Variants in MOB1B observed in about 807,000 individuals in gnomAD.
MOB1B encodes the protein MOB1 Mps One Binder homolog B.
A neutral mutation model predicts 24.4 loss-of-function variants in MOB1B; 19 were observed. The observed-to-expected ratio is 0.78, with a 90% confidence interval of 0.54 to 1.14. MOB1B has a LOEUF of 1.14. MOB1B is among the 50% of genes most tolerant of loss of function. The probability of loss-of-function intolerance (pLI) is 0.00; values close to 1 mark genes in which losing one functional copy is unlikely to be tolerated. For missense variants in MOB1B, 243 were observed against 259.6 expected, an observed-to-expected ratio of 0.94 and a Z score of 0.44; for synonymous variants, 76 against 82.1, an observed-to-expected ratio of 0.93 and a Z score of 0.40.
intron 1 of MOB1B, among the ~76,000 whole-genome samples, chr4:70,937,341 C>T (rs1379071621): frequency 1.3e-5 from 2 of 151,830 alleles, no homozygotes; most frequent in South Asian, 2.1e-4. Flanking sequence ...CATCCTCTGG[C>T]GTGGATCTAT....
At chr4:70,945,677 G>C (rs949529454) in intron 1 of MOB1B, among the ~76,000 whole-genome samples, 10 of 152,296 alleles carry the variant, frequency 6.6e-5, no homozygotes, top group South Asian at 2.1e-4. Context: ...ATAGGTTCTG[G>C]AGATGCAGTG....
chr4:70,985,553 T>G lies in MOB1B; in HGVS notation c.*3496T>G, dbSNP rs1253518237. On this transcript the variant is annotated 3_prime_UTR_variant, in exon 6 of 6. Coordinates refer to ENST00000309395, the MANE Select transcript of MOB1B (RefSeq NM_173468.4). ...ATTTTTATTTCTTTAAGATGGAGTC[T>G]TGCTCTGTTGCCCGGGCTGGAGTAC... 1 of 152,156 alleles carries G rather than the reference T, an allele frequency of 6.6e-6. No homozygotes were observed. The highest frequency in any genetic ancestry group is 1.5e-5 in the Non-Finnish European group (1 of 68,040). The allele number at this position is 152,156 out of a possible 1,614,324, so 9.4% of individuals were successfully genotyped here.
At chr4:70,910,292 C>T (rs377629070) in intron 1 of MOB1B, among the ~76,000 whole-genome samples, 18 of 152,080 alleles carry the variant, frequency 1.2e-4, no homozygotes, top group South Asian at 4.1e-4. Context: ...CTGCCTGCCT[C>T]GGCCTCCCAA....
chr4:70,932,945 A>G lies in MOB1B; in HGVS notation c.15-25929A>G, dbSNP rs188577657. Among the ~76,000 whole-genome samples, 513 of 152,308 alleles carry G rather than the reference A, an allele frequency of 3.4e-3. 2 individuals are homozygous for G. Among genetic ancestry groups the G allele is most frequent in the African/African-American group, 0.012 (481 of 41,560 alleles). ...TAGTATACTGTAAGAACGCTGGGTC[A>G]TATATCTATATTATTGTATTAGTCT... On this transcript the variant is annotated intron_variant, in intron 1 of 5. Transcript: ENST00000309395.
chr4:70,908,400 A>G (rs1012995031), intron 1 of MOB1B, among the ~76,000 whole-genome samples: 7 of 150,370 alleles, frequency 4.7e-5, no homozygotes, highest in African/African-American at 1.5e-4. Context: ...GAAGAAACAG[A>G]TGGATTGGGA....
intron 1 of MOB1B, among the ~76,000 whole-genome samples, chr4:70,905,492 C>G (rs2148864216): frequency 6.6e-6 from 1 of 152,116 alleles, no homozygotes; most frequent in Non-Finnish European, 1.5e-5. Flanking sequence ...ATCCACTCAT[C>G]TTTGCCTTCC....
At chr4:70,927,455 G>A (rs1350133329) in intron 1 of MOB1B, among the ~76,000 whole-genome samples, 5 of 151,960 alleles carry the variant, frequency 3.3e-5, no homozygotes, top group African/African-American at 4.8e-5. Context: ...CAGGAGAATC[G>A]CTTGAACCTG....
At chr4:70,975,701 G>GT (rs1738955039) in intron 4 of MOB1B, 14 of 971,920 alleles carry the variant, frequency 1.4e-5, no homozygotes, top group Non-Finnish European at 1.7e-5. Flanking sequence ...CTTCCCTGAA[G>GT]TAAGGGAAAG....
At chr4:70,975,034 G>T (rs1003543385) in intron 3 of MOB1B, 119 bp from the exon 4 acceptor site, 3 of 691,372 alleles carry the variant, frequency 4.3e-6, no homozygotes, top group Non-Finnish European at 6.3e-6. Context: ...TCTTTATTTG[G>T]AGGAGCAGAG....
intron 3 of MOB1B, 127 bp downstream of exon 3, chr4:70,970,151 A>C: frequency 7.6e-5 from 44 of 582,416 alleles, no homozygotes; most frequent in South Asian, 2.5e-5. Flanking sequence ...AGTGACTATT[A>C]ATCTAGATTC....
Position 70,958,902 on chromosome 4 carries a change from C to A in MOB1B, c.43C>A (p.Pro15Thr), listed in dbSNP as rs762300488. The change falls in exon 2 of 6, where the codon CCA becomes ACA. Residue 15 changes from proline to threonine, a missense_variant. Pro to Thr is a conservative substitution (Grantham distance 38, BLOSUM62 -1). Coordinates refer to ENST00000309395, the MANE Select transcript of MOB1B (RefSeq NM_173468.4). ...TAGTCGCTCTTCTAAAACTTTTAAA[C>A]CAAAGAAGAACATTCCAGAGGGTTC... is the stretch of plus-strand genomic sequence containing the variant. ...FGSRSSKTFK[P>T]KKNIPEGSHQ... The A allele has an allele frequency of 2.5e-6, 4 of 1,612,022 alleles. No homozygotes were observed. The highest frequency in any genetic ancestry group is 3.4e-6 in the Non-Finnish European group (4 of 1,179,480).
chr4:70,907,268 C>T (rs1321992023), intron 1 of MOB1B, among the ~76,000 whole-genome samples: 3 of 152,136 alleles, frequency 2.0e-5, no homozygotes, highest in South Asian at 2.1e-4. Context: ...GGTCTCCTGA[C>T]GTAGGTGTTT....
intron 1 of MOB1B, among the ~76,000 whole-genome samples, chr4:70,921,966 C>G (rs949966070): frequency 1.3e-5 from 2 of 152,140 alleles, no homozygotes; most frequent in African/African-American, 4.8e-5. Flanking sequence ...CTTAATGACT[C>G]CTTACTACAT....
At position 70,902,559 on chromosome 4, in the gene MOB1B, C is replaced by G; in HGVS notation, c.14+9C>G. 6.4e-7 allele frequency: 1 copy of G among 1,557,140 alleles called. No individual in the cohort carries two copies. The highest frequency in any genetic ancestry group is 8.7e-7 in the Non-Finnish European group (1 of 1,152,952). On this transcript the variant is annotated intron_variant, in intron 1 of 5. Transcript: ENST00000309395. ...AACATGAGCTTCTTGTTGTGAGTAG[C>G]CAGGCCCCGCACGCGCCGGCTTTGT...
intron 1 of MOB1B, among the ~76,000 whole-genome samples, chr4:70,944,049 G>A (rs1737469684): frequency 6.6e-6 from 1 of 151,986 alleles, no homozygotes; most frequent in Non-Finnish European, 1.5e-5. Context: ...CTAGATATCT[G>A]TAATACTTTT....
rs1366384794 is a variant in MOB1B, at chr4:70,911,624, T to C, written c.14+9074T>C. On this transcript the variant is annotated intron_variant, in intron 1 of 5. Transcript: ENST00000309395. ...GCAAAATAATTGCCATTTGGTTACT[T>C]TTACCATTATTGATTTCTTTCTCTA... Among the ~76,000 whole-genome samples, 8 of 152,114 alleles carry C rather than the reference T, an allele frequency of 5.3e-5. No individual in the cohort carries two copies. The East Asian group carries it at 1.5e-3, about 29-fold the overall frequency.
chr4:70,933,676 C>T (rs1230084267), intron 1 of MOB1B, among the ~76,000 whole-genome samples: 2 of 151,272 alleles, frequency 1.3e-5, no homozygotes, highest in African/African-American at 2.4e-5. Flanking sequence ...CTCAGCTTCC[C>T]GAGTAGCTGG....
At chr4:70,916,020 G>T (rs1736180390) in intron 1 of MOB1B, among the ~76,000 whole-genome samples, 1 of 151,994 alleles carries the variant, frequency 6.6e-6, no homozygotes. Context: ...GTTTGCAGGC[G>T]ATAAAACAAA....
At chr4:70,922,051 C>G (rs1321085785) in intron 1 of MOB1B, among the ~76,000 whole-genome samples, 1 of 152,166 alleles carries the variant, frequency 6.6e-6, no homozygotes, top group Admixed American at 6.5e-5. Flanking sequence ...CAAAATTATT[C>G]TTTCTTCCAC....
Sources: gnomAD v4.1 joint callset for allele counts (sites outside exome capture counted in the v4.1 genomes callset) on GRCh38, gnomAD v4.1.1 for gene constraint, MANE v1.5 for transcripts, NCBI Gene and HGNC (gene_info 2026-07-23, HGNC 2026-07-21) for gene names.